The following KDM4C variants were observed in gnomAD, a reference collection of about 807,000 sequenced individuals.
KDM4C encodes lysine-specific demethylase 4C.
In KDM4C, 81 loss-of-function variants were observed where a neutral mutation model predicts 129.3. That is an observed-to-expected ratio of 0.63 (90% CI 0.52 to 0.75). The LOEUF is 0.75. KDM4C is among the 30% of genes least tolerant of loss of function. The pLI, the probability that KDM4C is intolerant of heterozygous loss-of-function variation, is 0.00. For missense variants in KDM4C, 1,457 were observed against 1,304.0 expected, an observed-to-expected ratio of 1.12 and a Z score of -1.81; for synonymous variants, 573 against 456.1, an observed-to-expected ratio of 1.26 and a Z score of -3.26.
At chr9:7,022,835 G>GT (rs1825118097) in intron 15 of KDM4C, among the ~76,000 whole-genome samples, 1 of 151,952 alleles carries the variant, frequency 6.6e-6, no homozygotes, top group South Asian at 2.1e-4. Context: ...TCTGTACCCA[G>GT]TTTTTTGAGG....
chr9:7,159,217 G>C (rs550926171), intron 19 of KDM4C, among the ~76,000 whole-genome samples: 1 of 152,144 alleles, frequency 6.6e-6, no homozygotes, highest in Non-Finnish European at 1.5e-5. Flanking sequence ...TTTTGTACCT[G>C]TGTGTGTCTC....
At chr9:6,980,751 C>T (rs1195213068) in intron 8 of KDM4C, among the ~76,000 whole-genome samples, 174 bp from the exon 9 acceptor site, 2 of 152,124 alleles carry the variant, frequency 1.3e-5, no homozygotes, top group African/African-American at 4.8e-5. Flanking sequence ...TATAGATTCT[C>T]ATCTCTATTC....
intron 5 of KDM4C, among the ~76,000 whole-genome samples, chr9:6,851,794 G>A (rs1338706425): frequency 1.3e-5 from 2 of 152,136 alleles, no homozygotes; most frequent in African/African-American, 4.8e-5. Flanking sequence ...AGAATATTCT[G>A]GTCAGGGCTA....
At chr9:7,030,585 G>A (rs1184079025) in intron 15 of KDM4C, among the ~76,000 whole-genome samples, 4 of 152,078 alleles carry the variant, frequency 2.6e-5, no homozygotes, top group Non-Finnish European at 5.9e-5. Context: ...GGAAGTTTCT[G>A]TACCCTTCAA....
chr9:6,944,934 T>C (rs563909296), intron 8 of KDM4C, among the ~76,000 whole-genome samples: 10 of 152,278 alleles, frequency 6.6e-5, no homozygotes, highest in African/African-American at 2.4e-4. Flanking sequence ...TAGCTGGAAC[T>C]AGAGGTGTTG....
chr9:6,842,457 CTT>C (rs1837134597), intron 4 of KDM4C, among the ~76,000 whole-genome samples: 3 of 151,498 alleles, frequency 2.0e-5, no homozygotes, highest in Admixed American at 2.0e-4. Flanking sequence ...GTCTCAGTCT[CTT>C]GAGTAGCTGG....
At chr9:6,722,438 G>T (rs1816985729) in intron 1 of KDM4C, among the ~76,000 whole-genome samples, 1 of 152,106 alleles carries the variant, frequency 6.6e-6, no homozygotes, top group Non-Finnish European at 1.5e-5. Context: ...AGCACTTTGG[G>T]AGGCTGAGGC....
At chr9:7,122,474 C>T (rs903356910) in intron 18 of KDM4C, among the ~76,000 whole-genome samples, 1 of 152,148 alleles carries the variant, frequency 6.6e-6, no homozygotes, top group East Asian at 1.9e-4. Flanking sequence ...CATGGGAGAG[C>T]ACTGCTCTAG....
chr9:7,074,101 A>G lies in KDM4C; in HGVS notation c.2424+24901A>G, dbSNP rs138289628. ...GATTGTAGTGCATCTTACTTTATAGAGAAAAAGGATGTCAGTATTGAGCTT... is the reference window on the plus strand; with the variant it reads ...GATTGTAGTGCATCTTACTTTATAGGGAAAAAGGATGTCAGTATTGAGCTT... On this transcript the variant is annotated intron_variant, in intron 17 of 21. Transcript: ENST00000381309. Among the ~76,000 whole-genome samples the G allele has an allele frequency of 3.2e-3, 483 of 152,352 alleles. 2 individuals are homozygous for G. The highest frequency in any genetic ancestry group is 5.7e-3 in the Non-Finnish European group (387 of 68,038).
chr9:7,172,027 G>T (rs1845016346), intron 21 of KDM4C, among the ~76,000 whole-genome samples: 1 of 152,108 alleles, frequency 6.6e-6, no homozygotes, highest in South Asian at 2.1e-4. Flanking sequence ...TTTCTCCCCT[G>T]GGTTGGTACA....
chr9:7,053,321 C>G (rs990284955), intron 17 of KDM4C, among the ~76,000 whole-genome samples: 1 of 152,296 alleles, frequency 6.6e-6, no homozygotes, highest in East Asian at 1.9e-4. Context: ...GTAAATTATT[C>G]GTGCAAGGAG....
At chr9:7,003,590 C>A (rs1275828387) in intron 12 of KDM4C, among the ~76,000 whole-genome samples, 1 of 152,104 alleles carries the variant, frequency 6.6e-6, no homozygotes, top group Non-Finnish European at 1.5e-5. Flanking sequence ...TATATACATC[C>A]ATTTAATTTC....
chr9:6,866,270 C>G (rs367885352), intron 5 of KDM4C, among the ~76,000 whole-genome samples: 42 of 151,850 alleles, frequency 2.8e-4, no homozygotes, highest in East Asian at 5.8e-4. Context: ...ATATTCTTGA[C>G]CCTTCTTTCT....
chr9:7,045,914 A>G (rs997884412), intron 15 of KDM4C, among the ~76,000 whole-genome samples: 2 of 152,088 alleles, frequency 1.3e-5, no homozygotes, highest in Non-Finnish European at 2.9e-5. Flanking sequence ...TTGTAAAGCT[A>G]GGAAAAATTG....
At chr9:6,820,675 G>T (rs946191928) in intron 4 of KDM4C, among the ~76,000 whole-genome samples, 1 of 151,264 alleles carries the variant, frequency 6.6e-6, no homozygotes, top group African/African-American at 2.4e-5. Context: ...AGAGGGCCTG[G>T]AAATCCCCTG....
chr9:6,911,826 T>C (rs1819370443), intron 8 of KDM4C, among the ~76,000 whole-genome samples: 1 of 152,168 alleles, frequency 6.6e-6, no homozygotes, highest in African/African-American at 2.4e-5. Flanking sequence ...AGGCTGGTGC[T>C]GGGGCTCGGG....
chr9:6,728,021 C>G (rs567177435), intron 1 of KDM4C, among the ~76,000 whole-genome samples: 2 of 85,392 alleles, frequency 2.3e-5, no homozygotes, highest in East Asian at 3.9e-4. Flanking sequence ...TAAACCACTA[C>G]AGAATACTAA....
At chr9:6,828,336 A>T (rs1834223384) in intron 4 of KDM4C, among the ~76,000 whole-genome samples, 1 of 151,776 alleles carries the variant, frequency 6.6e-6, no homozygotes, top group Non-Finnish European at 1.5e-5. Context: ...TTTAGTAGAG[A>T]CGGGGTTTCA....
chr9:7,138,649 T>C (rs1468217039), intron 19 of KDM4C, among the ~76,000 whole-genome samples: 1 of 151,798 alleles, frequency 6.6e-6, no homozygotes, highest in Non-Finnish European at 1.5e-5. Context: ...ACCTCTTCTT[T>C]ACAAAAAAAT....
Sources: gnomAD v4.1 joint callset for allele counts (sites outside exome capture counted in the v4.1 genomes callset) on GRCh38, gnomAD v4.1.1 for gene constraint, MANE v1.5 for transcripts, NCBI Gene and HGNC (gene_info 2026-07-23, HGNC 2026-07-21) for gene names.